The following KCTD16 variants were observed in gnomAD, a reference collection of about 807,000 sequenced individuals.
KCTD16 encodes potassium channel tetramerization domain containing 16, also known as BTB/POZ domain-containing protein KCTD16.
Under a neutral mutation model 33.2 loss-of-function variants are expected in KCTD16, and 13 were observed. The ratio of observed to expected loss-of-function variants is 0.39; its 90% CI spans 0.25 to 0.62. KCTD16 has a LOEUF of 0.62. Among genes scored for constraint, KCTD16 ranks in the 20% least tolerant of loss-of-function variants. The pLI is 0.50. For synonymous variants in KCTD16, 197 were observed against 195.3 expected, an observed-to-expected ratio of 1.01 and a Z score of -0.07; for missense variants, 441 against 525.1, an observed-to-expected ratio of 0.84 and a Z score of 1.57.
intron 2 of KCTD16, among the ~76,000 whole-genome samples, chr5:144,181,188 C>A (rs1046032260): frequency 6.6e-6 from 1 of 152,224 alleles, no homozygotes; most frequent in African/African-American, 2.4e-5. Context: ...CCGCCTCTGC[C>A]TCCCAAAGTG....
chr5:144,418,242 G>C (rs1015245980), intron 3 of KCTD16, among the ~76,000 whole-genome samples: 8 of 152,158 alleles, frequency 5.3e-5, no homozygotes, highest in Non-Finnish European at 1.0e-4. Context: ...AAGAGCAAAA[G>C]AACAAGGCTT....
In KCTD16 at chr5:144,370,935, G is replaced by A. The variant is rs535558428; in HGVS notation, c.833-102725G>A. Among the ~76,000 whole-genome samples the A allele has an allele frequency of 3.3e-5, 5 of 152,124 alleles. No homozygotes were observed. In the East Asian group the frequency reaches 9.7e-4, roughly 30 times the overall value. On this transcript the variant is annotated intron_variant, in intron 3 of 3. Coordinates refer to ENST00000512467, the MANE Select transcript of KCTD16 (RefSeq NM_020768.4). ...AGTTATTGCCGTTTTTACCATTAAAGTAATGGCAAAAACCACATTACTTTT... is the reference window on the plus strand; with the variant it reads ...AGTTATTGCCGTTTTTACCATTAAAATAATGGCAAAAACCACATTACTTTT...
chr5:144,229,712 A>G (rs1754041475), intron 3 of KCTD16, among the ~76,000 whole-genome samples: 1 of 152,150 alleles, frequency 6.6e-6, no homozygotes, highest in South Asian at 2.1e-4. Flanking sequence ...ACTGTGCATA[A>G]TGGCTCATGT....
chr5:144,422,657 A>G (rs1489421150), intron 3 of KCTD16, among the ~76,000 whole-genome samples: 1 of 152,180 alleles, frequency 6.6e-6, no homozygotes, highest in Non-Finnish European at 1.5e-5. Context: ...AAATGAGTTT[A>G]TATAATGAAA....
At chr5:144,315,287 C>T (rs1389678503) in intron 3 of KCTD16, among the ~76,000 whole-genome samples, 4 of 152,134 alleles carry the variant, frequency 2.6e-5, no homozygotes, top group Non-Finnish European at 5.9e-5. Flanking sequence ...AACAATCCAA[C>T]GGTGTATAAA....
At chr5:144,372,932 A>G (rs1351896328) in intron 3 of KCTD16, among the ~76,000 whole-genome samples, 1 of 152,178 alleles carries the variant, frequency 6.6e-6, no homozygotes, top group Non-Finnish European at 1.5e-5. Flanking sequence ...GGGCAAATAT[A>G]GTATAGAGCC....
At chr5:144,349,420 A>C (rs1354984623) in intron 3 of KCTD16, among the ~76,000 whole-genome samples, 2 of 152,210 alleles carry the variant, frequency 1.3e-5, no homozygotes, top group Non-Finnish European at 2.9e-5. Flanking sequence ...GTAGTTGACA[A>C]ATGGCAGCTA....
chr5:144,334,380 T>C (rs975609017), intron 3 of KCTD16, among the ~76,000 whole-genome samples: 20 of 152,306 alleles, frequency 1.3e-4, no homozygotes, highest in Non-Finnish European at 2.2e-4. Flanking sequence ...GAAAGACTGG[T>C]AATTATTCTT....
At chr5:144,407,351 T>C (rs748362423) in intron 3 of KCTD16, among the ~76,000 whole-genome samples, 1 of 151,670 alleles carries the variant, frequency 6.6e-6, no homozygotes, top group Non-Finnish European at 1.5e-5. Flanking sequence ...AGTAAAAGTT[T>C]GGGGGTTTGA....
intron 3 of KCTD16, among the ~76,000 whole-genome samples, chr5:144,230,265 GCC>G (rs1754062601): frequency 6.6e-6 from 1 of 152,204 alleles, no homozygotes; most frequent in African/African-American, 2.4e-5. Context: ...TTTCGTCTTT[GCC>G]AGTATAAAAG....
At chr5:144,324,853 T>G (rs1271615549) in intron 3 of KCTD16, among the ~76,000 whole-genome samples, 1 of 152,150 alleles carries the variant, frequency 6.6e-6, no homozygotes, top group Non-Finnish European at 1.5e-5. Flanking sequence ...CATGTTCTCA[T>G]TTATTAAGTG....
chr5:144,385,748 T>C (rs1468718210), intron 3 of KCTD16, among the ~76,000 whole-genome samples: 1 of 152,222 alleles, frequency 6.6e-6, no homozygotes, highest in Non-Finnish European at 1.5e-5. Context: ...TAAGTAGGGC[T>C]CATGCTGCAC....
At chr5:144,437,115 G>C (rs1362999304) in intron 3 of KCTD16, among the ~76,000 whole-genome samples, 1 of 152,120 alleles carries the variant, frequency 6.6e-6, no homozygotes, top group Non-Finnish European at 1.5e-5. Flanking sequence ...TCCTCAACAG[G>C]CTAGGCCACA....
chr5:144,429,434 G>C (rs1238438805), intron 3 of KCTD16, among the ~76,000 whole-genome samples: 2 of 152,124 alleles, frequency 1.3e-5, no homozygotes, highest in Non-Finnish European at 2.9e-5. Flanking sequence ...AGTTCAGGTA[G>C]TGAACTAACA....
chr5:144,289,952 TA>T (rs1755848783), intron 3 of KCTD16, among the ~76,000 whole-genome samples: 1 of 152,318 alleles, frequency 6.6e-6, no homozygotes, highest in East Asian at 1.9e-4. Context: ...CATTTATTAA[TA>T]AACATTTTAA....
chr5:144,281,472 T>A (rs1755608067), intron 3 of KCTD16, among the ~76,000 whole-genome samples: 1 of 152,244 alleles, frequency 6.6e-6, no homozygotes, highest in East Asian at 1.9e-4. Flanking sequence ...AGAAGTGTGT[T>A]GTTTAACTTT....
intron 3 of KCTD16, among the ~76,000 whole-genome samples, chr5:144,397,776 G>A (rs1055476941): frequency 6.6e-6 from 1 of 152,140 alleles, no homozygotes; most frequent in African/African-American, 2.4e-5. Context: ...CACGCTACCT[G>A]ACTTCAAACT....
chr5:144,457,222 C>A (rs2126989377), intron 3 of KCTD16, among the ~76,000 whole-genome samples: 1 of 152,330 alleles, frequency 6.6e-6, no homozygotes, highest in South Asian at 2.1e-4. Flanking sequence ...ATACTTTGCT[C>A]TGCTGTCAAG....
intron 3 of KCTD16, among the ~76,000 whole-genome samples, chr5:144,309,035 A>G (rs1751685253): frequency 6.6e-6 from 1 of 152,158 alleles, no homozygotes; most frequent in East Asian, 1.9e-4. Context: ...TGTGGTTGGG[A>G]TCTAACACAA....
Sources: gnomAD v4.1 joint callset for allele counts (sites outside exome capture counted in the v4.1 genomes callset) on GRCh38, gnomAD v4.1.1 for gene constraint, MANE v1.5 for transcripts, NCBI Gene and HGNC (gene_info 2026-07-23, HGNC 2026-07-21) for gene names.